The following OGDH variants were observed in gnomAD, a reference collection of about 807,000 sequenced individuals.
OGDH encodes the protein 2-oxoglutarate dehydrogenase complex component E1.
Under a neutral mutation model 116.6 loss-of-function variants are expected in OGDH, and 38 were observed. The ratio of observed to expected loss-of-function variants is 0.33; its 90% CI spans 0.25 to 0.43. The LOEUF is 0.43. Ranked by LOEUF, OGDH falls within the 20% of genes least tolerant of loss-of-function variation. The pLI is 1.00. For synonymous variants in OGDH, 488 were observed against 533.3 expected (o/e 0.92, Z 1.17); for missense variants, 825 against 1,357.2 (o/e 0.61, Z 6.16).
At chr7:44,615,857 C>T (rs1044861610) in intron 1 of OGDH, among the ~76,000 whole-genome samples, 1 of 152,028 alleles carries the variant, frequency 6.6e-6, no homozygotes, top group Non-Finnish European at 1.5e-5. Flanking sequence ...GCAAAACTGT[C>T]TCTATAAAAA....
chr7:44,667,162 G>A (rs1012382084), intron 5 of OGDH, among the ~76,000 whole-genome samples: 4 of 151,932 alleles, frequency 2.6e-5, no homozygotes, highest in Non-Finnish European at 5.9e-5. Flanking sequence ...TGTTCCTCAG[G>A]CTGGTCTCAA....
Position 44,625,378 on chromosome 7 carries a change from G to A in OGDH, c.222+813G>A, listed in dbSNP as rs1188700898. 2.0e-5 allele frequency among the ~76,000 whole-genome samples: 3 copies of A among 152,276 alleles called. No homozygotes were observed. The East Asian group carries it at 5.8e-4, about 29-fold the overall frequency. ...GGCCTCAAGTGATCCACCCACCTTG[G>A]CCTCCCAAAGTGCTGGGATTACAGG... On this transcript the variant is annotated intron_variant, in intron 2 of 22. Transcript: ENST00000222673.
At chr7:44,688,079 TGCTGCTGTGG>T (rs1393406918) in intron 10 of OGDH, among the ~76,000 whole-genome samples, 4 of 152,126 alleles carry the variant, frequency 2.6e-5, no homozygotes, top group African/African-American at 9.7e-5. Context: ...TTATAAATAA[TGCTGCTGTGG>T]GCTGGGCATG....
rs1252568706 is a variant in OGDH at position 44,705,083 on chromosome 7, C to T, written c.2633-2142C>T. On this transcript the variant is annotated intron_variant, in intron 20 of 22. Transcript: ENST00000222673. ...TTTTTTTTTTTTTGAGACGGAGTCT[C>T]GCTCTGTCGCCCAGGCTGGAGTGCA... Among the ~76,000 whole-genome samples, 25 of 91,796 alleles carry T rather than the reference C, an allele frequency of 2.7e-4. 1 individual carries two copies. In the South Asian group the frequency reaches 3.6e-3, roughly 13 times the overall value. The allele number at this position is 91,796 out of a possible 152,430, so 60.2% of individuals were successfully genotyped here.
At chr7:44,701,000 G>A (rs951996657) in intron 19 of OGDH, among the ~76,000 whole-genome samples, 3 of 152,198 alleles carry the variant, frequency 2.0e-5, no homozygotes, top group African/African-American at 4.8e-5. Context: ...CTCCAGCCTG[G>A]GCAACAGAGC....
At chr7:44,668,542 C>T (rs1164712553) in intron 5 of OGDH, among the ~76,000 whole-genome samples, 2 of 152,216 alleles carry the variant, frequency 1.3e-5, no homozygotes, top group African/African-American at 4.8e-5. Context: ...GCTTCACCGC[C>T]TGCCTTCCTC....
chr7:44,683,730 G>A (rs1028267640), intron 10 of OGDH, among the ~76,000 whole-genome samples: 1 of 152,066 alleles, frequency 6.6e-6, no homozygotes, highest in Non-Finnish European at 1.5e-5. Flanking sequence ...GGACTCTTAG[G>A]ATTCTCATTT....
intron 10 of OGDH, among the ~76,000 whole-genome samples, chr7:44,685,279 T>C (rs1331050043): frequency 1.3e-5 from 2 of 152,216 alleles, no homozygotes; most frequent in Non-Finnish European, 2.9e-5. Flanking sequence ...CTTGCTTCCC[T>C]GACCCCCAGC....
chr7:44,682,385 CAAAAAAAAAAAAG>C (rs1018506989), intron 10 of OGDH, among the ~76,000 whole-genome samples: 5 of 131,832 alleles, frequency 3.8e-5, no homozygotes, highest in Non-Finnish European at 6.5e-5. Context: ...AACTCCATTT[CAAAAAAAAAAAAG>C]AAAAGAAAAA....
intron 9 of OGDH, among the ~76,000 whole-genome samples, chr7:44,678,110 G>A (rs548350592): frequency 6.6e-6 from 1 of 152,162 alleles, no homozygotes; most frequent in South Asian, 2.1e-4. Context: ...AAGCTCATGG[G>A]CCAGGACAGT....
At position 44,652,693 on chromosome 7, in the gene OGDH, G is replaced by A. The variant is rs150600780; in HGVS notation, c.517+4934G>A. On this transcript the variant is annotated intron_variant, in intron 4 of 22. Transcript: ENST00000222673. ...TAGAATTACAGCAGTGAGCCACCGCGCCCAGCTGACATGTATTAAATACAC... is the reference window on the plus strand; with the variant it reads ...TAGAATTACAGCAGTGAGCCACCGCACCCAGCTGACATGTATTAAATACAC... 5.4e-3 allele frequency among the ~76,000 whole-genome samples: 829 copies of A among 152,154 alleles called. 9 individuals carry two copies. Among genetic ancestry groups the A allele is most frequent in the African/African-American group, 0.019 (787 of 41,510 alleles).
chr7:44,666,576 A>G (rs1787192804), intron 4 of OGDH, 160 bp from the exon 5 acceptor site: 1 of 390,438 alleles, frequency 2.6e-6, no homozygotes, highest in East Asian at 3.8e-5. Context: ...TGGCTGTAAA[A>G]TATTACTTAT....
Position 44,697,511 on chromosome 7 carries a change from G to C in OGDH, c.2179+14G>C, listed in dbSNP as rs1788637799. 2 of 1,613,766 alleles carry C rather than the reference G, an allele frequency of 1.2e-6. No homozygotes were observed. The highest frequency in any genetic ancestry group is 2.2e-5 in the South Asian group (2 of 91,088). ...ACGGCGTGCTGGGTGAGTGCCTGGA[G>C]CCACACCACCAGGGCCTGTCACCCA... On this transcript the variant is annotated intron_variant, in intron 16 of 22. Transcript: ENST00000222673. The surrounding 1 kb of genome is among the most constrained non-coding windows in gnomAD (Gnocchi z 6.0).
chr7:44,661,103 G>C (rs1786918283), intron 4 of OGDH, among the ~76,000 whole-genome samples: 1 of 152,180 alleles, frequency 6.6e-6, no homozygotes, highest in Non-Finnish European at 1.5e-5. Context: ...AGTCCTATCA[G>C]ATTTGGGGTC....
intron 1 of OGDH, among the ~76,000 whole-genome samples, chr7:44,616,215 T>A (rs1432710829): frequency 6.6e-6 from 1 of 152,158 alleles, no homozygotes; most frequent in Non-Finnish European, 1.5e-5. Flanking sequence ...ATTGTCCTGC[T>A]TTCCATAAAG....
chr7:44,684,896 T>C (rs986916494), intron 10 of OGDH, among the ~76,000 whole-genome samples: 1 of 151,962 alleles, frequency 6.6e-6, no homozygotes, highest in Non-Finnish European at 1.5e-5. Context: ...TTCAAGCGAT[T>C]CTCCTGTCTG....
intron 5 of OGDH, among the ~76,000 whole-genome samples, chr7:44,670,297 A>G (rs1787375264): frequency 6.6e-6 from 1 of 152,208 alleles, no homozygotes; most frequent in African/African-American, 2.4e-5. Context: ...CAGTTCTGCC[A>G]GCTCTGTAAT....
intron 1 of OGDH, among the ~76,000 whole-genome samples, chr7:44,609,826 T>G (rs140572659): frequency 2.3e-4 from 35 of 152,372 alleles, no homozygotes; most frequent in African/African-American, 7.9e-4. Context: ...ATGGTCTTGT[T>G]TCTCCACATA....
chr7:44,698,366 C>A, intron 18 of OGDH, 103 bp downstream of exon 18: 1 of 1,211,036 alleles, frequency 8.3e-7, no homozygotes, highest in Non-Finnish European at 1.2e-6. Context: ...CAGACCGTGC[C>A]TCTGTCCCTT....
Sources: gnomAD v4.1 joint callset for allele counts (sites outside exome capture counted in the v4.1 genomes callset) on GRCh38, gnomAD v4.1.1 for gene constraint, Gnocchi (gnomAD v3.1) non-coding constraint, MANE v1.5 for transcripts, NCBI Gene and HGNC (gene_info 2026-07-23, HGNC 2026-07-21) for gene names.